Variants in SAMD4B observed in about 807,000 individuals in gnomAD.
The protein encoded by SAMD4B is sterile alpha motif domain containing 4B, also known as protein Smaug homolog 2.
Under a neutral mutation model 74.5 loss-of-function variants are expected in SAMD4B, and 5 were observed. That is an observed-to-expected ratio of 0.07 (90% CI 0.04 to 0.14). The LOEUF (loss-of-function observed/expected upper bound fraction) is 0.14, where lower values mean the gene tolerates loss of function less well. SAMD4B is among the 10% of genes least tolerant of loss of function. The pLI is 1.00. For synonymous variants in SAMD4B, 373 were observed against 374.9 expected (o/e 1.00, Z 0.06); for missense variants, 608 against 921.8 (o/e 0.66, Z 4.41).
chr19:39,390,420 A>C, downstream of SAMD4B: 1 of 832,150 alleles, frequency 1.2e-6, no homozygotes, highest in Non-Finnish European at 2.0e-6. Flanking sequence ...TGGTGTGGGG[A>C]GTGTCCAAAT....
chr19:39,379,882 T>C (rs2077850407), intron 9 of SAMD4B, 84 bp from the exon 10 acceptor site: 3 of 1,205,376 alleles, frequency 2.5e-6, no homozygotes, highest in African/African-American at 1.5e-5. Flanking sequence ...GCAATAAATA[T>C]TTGAACAAAT....
intron 1 of SAMD4B, among the ~76,000 whole-genome samples, chr19:39,347,583 T>C (rs1333132695): frequency 6.6e-6 from 1 of 152,180 alleles, no homozygotes; most frequent in African/African-American, 2.4e-5. Flanking sequence ...ACGGGTGATA[T>C]GAGGTGATCA....
intron 4 of SAMD4B, among the ~76,000 whole-genome samples, chr19:39,371,560 T>C (rs1600566759): frequency 6.6e-6 from 1 of 152,314 alleles, no homozygotes; most frequent in South Asian, 2.1e-4. Context: ...CTCACGCCTG[T>C]AATCCCAGCA....
rs1439022428 is a variant in SAMD4B, at chr19:39,354,721, A to G, written c.-206+655A>G. Among the ~76,000 whole-genome samples the G allele has an allele frequency of 2.6e-5, 4 of 152,182 alleles. No homozygotes were observed. In the East Asian group the frequency reaches 5.8e-4, roughly 22 times the overall value. On this transcript the variant is annotated intron_variant, in intron 2 of 13. Coordinates refer to ENST00000610417, the MANE Select transcript of SAMD4B (RefSeq NM_001384574.2). ...GGGAAGCTCTCTCTGAAGAAATGACAATGAGCTGAGACCTGAATGACAGGA... is the reference window on the plus strand; with the variant it reads ...GGGAAGCTCTCTCTGAAGAAATGACGATGAGCTGAGACCTGAATGACAGGA...
chr19:39,350,654 A>T (rs1568343777), intron 1 of SAMD4B: 1 of 151,788 alleles, frequency 6.6e-6, no homozygotes, highest in African/African-American at 2.4e-5. Flanking sequence ...CGCCCAGCTG[A>T]TTTTTTGTAT....
intron 3 of SAMD4B, among the ~76,000 whole-genome samples, chr19:39,363,417 T>TTTG (rs2076768405): frequency 6.6e-6 from 1 of 152,150 alleles, no homozygotes; most frequent in Non-Finnish European, 1.5e-5. Flanking sequence ...GGTAAATAAC[T>TTTG]GTATGAAATT....
In SAMD4B at chr19:39,384,185, G is replaced by A. The variant is rs951464192; in HGVS notation, c.*658G>A. The A allele has an allele frequency of 1.3e-5, 2 of 159,536 alleles. No individual in the cohort carries two copies. Among genetic ancestry groups the A allele is most frequent in the Non-Finnish European group, 2.7e-5 (2 of 72,904 alleles). 9.9% of individuals were successfully genotyped at this position (159,536 alleles called of 1,614,324 possible). ...GATACATATTTATATAGTTCTTAAC[G>A]GTTTTTCTCTGATCATTTCCTCTCA... On this transcript the variant is annotated 3_prime_UTR_variant, in exon 14 of 14. Transcript: ENST00000610417.
intron 3 of SAMD4B, among the ~76,000 whole-genome samples, chr19:39,367,507 C>CTTTTTTTTTT (rs572713498): frequency 2.7e-5 from 3 of 110,806 alleles, no homozygotes; most frequent in Non-Finnish European, 5.2e-5. Flanking sequence ...TTTTCTTTTT[C>CTTTTTTTTTT]TTTTTTTTTT....
In SAMD4B at chr19:39,375,711, C is replaced by G. The variant is rs1600575925; in HGVS notation, c.729C>G (p.Ser243Arg). ...GCTCCATGTCACTCATCCCTACAAG[C>G]CCCCAGGTCCCTGGTGAGTGGCCGA... Reference protein sequence around the residue: ...LKRSMSLIPTSPQVPGEWPSP... With the variant: ...LKRSMSLIPTRPQVPGEWPSP... The change falls in exon 5 of 14, where the codon AGC (serine) becomes AGG (arginine). Residue 243 changes from serine (S) to arginine (R), a missense_variant. By Grantham distance (110) the Ser-to-Arg change is moderately radical. This residue lies in a region of SAMD4B where 153 missense variants were observed against 153.0 expected (regional missense o/e 1.00). Coordinates refer to ENST00000610417, the MANE Select transcript of SAMD4B (RefSeq NM_001384574.2). The surrounding 1 kb of genome is among the most constrained non-coding windows in gnomAD (Gnocchi z 4.1). The G allele has an allele frequency of 6.2e-7, 1 of 1,614,060 alleles. No homozygotes were observed.
intron 1 of SAMD4B, chr19:39,351,285 T>G (rs938483077): frequency 1.3e-5 from 2 of 152,278 alleles, no homozygotes; most frequent in African/African-American, 4.8e-5. Flanking sequence ...CACCCAGCCC[T>G]CTTAGCCATT....
chr19:39,390,743 G>A, the SAMD4B span: 2 of 1,456,436 alleles, frequency 1.4e-6, no homozygotes, highest in African/African-American at 2.8e-5. Context: ...GCAGACCTGG[G>A]GGCTGGTGAC....
intron 9 of SAMD4B, among the ~76,000 whole-genome samples, chr19:39,379,039 T>A (rs939948201): frequency 6.6e-6 from 1 of 151,108 alleles, no homozygotes; most frequent in African/African-American, 2.4e-5. Context: ...TTGTACACAC[T>A]CTTCCTCTCT....
At chr19:39,363,336 G>T (rs909925972) in intron 3 of SAMD4B, among the ~76,000 whole-genome samples, 10 of 152,070 alleles carry the variant, frequency 6.6e-5, no homozygotes, top group African/African-American at 2.4e-4. Flanking sequence ...TCCCCCATCT[G>T]CCCACCTCCA....
At chr19:39,387,263 G>A (rs1283261364), downstream of SAMD4B, 1 of 372,570 alleles carries the variant, frequency 2.7e-6, no homozygotes, top group South Asian at 2.1e-5. Context: ...AAGTATTTGT[G>A]TATCTAAACA....
chr19:39,370,123 C>T lies in SAMD4B; in HGVS notation c.665C>T (p.Thr222Ile). ...AINSIGSNAN[T>I]GLPCQIHPSP... The stretch of plus-strand genomic sequence containing the variant: ...AACAGTATTGGGAGCAATGCAAACA[C>T]AGGTAAGTGGCGGGGGTGTCCCAGA... The change falls in exon 4 of 14, where the codon ACA becomes ATA. Residue 222 changes from threonine (T) to isoleucine (I), a missense_variant and splice_region_variant. By Grantham distance (89) the Thr-to-Ile change is moderately conservative (BLOSUM62 -1). Coordinates refer to ENST00000610417, the MANE Select transcript of SAMD4B (RefSeq NM_001384574.2). 1 of 1,580,726 alleles carries T rather than the reference C, an allele frequency of 6.3e-7. No individual in the cohort carries two copies. Among genetic ancestry groups the T allele is most frequent in the South Asian group, 1.2e-5 (1 of 86,608 alleles).
At chr19:39,355,951 A>G (rs1174489408) in intron 2 of SAMD4B, among the ~76,000 whole-genome samples, 1 of 152,180 alleles carries the variant, frequency 6.6e-6, no homozygotes, top group Non-Finnish European at 1.5e-5. Context: ...TCACCTCAGA[A>G]TAGAGATGGG....
downstream of SAMD4B, chr19:39,390,161 C>G: frequency 6.2e-7 from 1 of 1,613,896 alleles, no homozygotes. Context: ...CCACTCCAGA[C>G]CTAGGAACAT....
In SAMD4B at chr19:39,356,843, C is replaced by T. The variant is rs749159313; in HGVS notation, c.-51C>T. The T allele has an allele frequency of 1.7e-5, 26 of 1,500,972 alleles. No individual in the cohort carries two copies. The highest frequency in any genetic ancestry group is 8.3e-5 in the African/African-American group (6 of 72,074). The allele number at this position is 1,500,972 out of a possible 1,614,324, so 93.0% of individuals were successfully genotyped here. On this transcript the variant is annotated 5_prime_UTR_variant, in exon 3 of 14. Transcript: ENST00000610417. Reference sequence around the variant, plus strand: ...GGCCAGAGCCGGGACCATGTGACGGCGCTGGCCCTCGCCACCGCCGTCCCC... The same window carrying T: ...GGCCAGAGCCGGGACCATGTGACGGTGCTGGCCCTCGCCACCGCCGTCCCC...
intron 12 of SAMD4B, chr19:39,381,380 T>TGGGG: frequency 2.6e-6 from 1 of 391,642 alleles, no homozygotes. Flanking sequence ...CCACCCTATG[T>TGGGG]CATAATCTTA....
Sources: allele counts gnomAD v4.1 joint callset (sites outside exome capture counted in the v4.1 genomes callset), GRCh38; gene constraint gnomAD v4.1.1; regional missense constraint gnomAD v4.1.1; non-coding constraint Gnocchi (gnomAD v3.1); transcripts MANE v1.5; gene names NCBI Gene and HGNC (gene_info 2026-07-23, HGNC 2026-07-21).